The following ITGA6 variants were observed in gnomAD, a reference collection of about 807,000 sequenced individuals.
ITGA6 encodes integrin alpha-6.
A neutral mutation model predicts 133.6 loss-of-function variants in ITGA6; 63 were observed. That is an observed-to-expected ratio of 0.47 (90% confidence interval 0.38 to 0.58). ITGA6 has a LOEUF of 0.58. Ranked by LOEUF, ITGA6 falls within the 20% of genes least tolerant of loss-of-function variation. The pLI is 0.00. For synonymous variants in ITGA6, 434 were observed against 482.0 expected (o/e 0.90, Z 1.30); for missense variants, 1,068 against 1,309.4 (o/e 0.82, Z 2.85).
Position 172,487,707 on chromosome 2 carries a change from CA to C in ITGA6, c.2245-20del. The stretch of plus-strand genomic sequence containing the variant: ...TGTCTGTATGCATGGCCTGTGTTAA[CA>C]GCTATTTATGTTTTTTTAGGTCACT... On this transcript the variant is annotated intron_variant, in intron 16 of 25. Transcript: ENST00000684293. 1 of 1,601,012 alleles carries C rather than the reference CA, an allele frequency of 6.2e-7. No individual in the cohort carries two copies. The highest frequency in any genetic ancestry group is 8.6e-7 in the Non-Finnish European group (1 of 1,168,398).
chr2:172,427,550 G>A (rs1229960931), upstream of ITGA6: 1 of 1,194,100 alleles, frequency 8.4e-7, no homozygotes, highest in Non-Finnish European at 1.0e-6. Context: ...CGGCGTCCTC[G>A]TCACTTGATA....
At chr2:172,456,614 G>T (rs1685219063) in intron 1 of ITGA6, among the ~76,000 whole-genome samples, 1 of 152,180 alleles carries the variant, frequency 6.6e-6, no homozygotes, top group South Asian at 2.1e-4. Context: ...TGGATGGTCT[G>T]ATGACCCAAA....
At chr2:172,463,823 A>T (rs1450903460) in intron 1 of ITGA6, among the ~76,000 whole-genome samples, 1 of 151,936 alleles carries the variant, frequency 6.6e-6, no homozygotes, top group Admixed American at 6.5e-5. Context: ...AATTTAACAC[A>T]TTCACCTTAT....
rs756820304 is a variant in ITGA6 at position 172,488,166 on chromosome 2, G to A, written c.2443G>A (p.Val815Ile). 1.3e-5 allele frequency: 21 copies of A among 1,613,984 alleles called. No homozygotes were observed. The highest frequency in any genetic ancestry group is 7.6e-6 in the Non-Finnish European group (9 of 1,179,986). Residue 815 changes from valine to isoleucine, a missense_variant, in exon 19 of 26, where the codon GTT becomes ATT. Val to Ile is a conservative substitution (Grantham distance 29, BLOSUM62 3). Coordinates refer to ENST00000684293, the MANE Select transcript of ITGA6 (RefSeq NM_000210.4). ...PSQVYFGGTV[V>I]GEQAMKSEDE... ...CCAGGTGTATTTTGGAGGTACAGTT[G>A]TTGGCGAGCAAGCTATGAAATCTGA... is the stretch of plus-strand genomic sequence containing the variant.
chr2:172,430,559 TA>T (rs1288164949), intron 1 of ITGA6, among the ~76,000 whole-genome samples: 2 of 152,238 alleles, frequency 1.3e-5, no homozygotes, highest in African/African-American at 4.8e-5. Context: ...ATAGAAGACC[TA>T]TCATAAATGT....
At chr2:172,472,523 C>T (rs1293915962) in intron 5 of ITGA6, among the ~76,000 whole-genome samples, 1 of 152,158 alleles carries the variant, frequency 6.6e-6, no homozygotes, top group Non-Finnish European at 1.5e-5. Context: ...AAAGTGAATG[C>T]CTGAGAAAGA....
At chr2:172,448,470 G>GTA (rs111958895) in intron 1 of ITGA6, among the ~76,000 whole-genome samples, 4,213 of 152,208 alleles carry the variant, frequency 0.028, 181 homozygotes, top group African/African-American at 0.094. Flanking sequence ...ATGGGTAATG[G>GTA]CAATAGTGTC....
At chr2:172,501,063 T>A (rs546771310) in intron 24 of ITGA6, among the ~76,000 whole-genome samples, 1 of 152,264 alleles carries the variant, frequency 6.6e-6, no homozygotes, top group South Asian at 2.1e-4. Context: ...ATAGGAAAAG[T>A]TCTCTATCAC....
intron 1 of ITGA6, among the ~76,000 whole-genome samples, chr2:172,459,748 G>C (rs764045071): frequency 1.3e-5 from 2 of 152,180 alleles, no homozygotes; most frequent in Non-Finnish European, 2.9e-5. Context: ...TTCAAACAAG[G>C]GGGAACATCA....
chr2:172,465,833 G>C, intron 2 of ITGA6, 170 bp downstream of exon 2: 1 of 955,022 alleles, frequency 1.0e-6, no homozygotes. Flanking sequence ...CTTTACTTCT[G>C]AATCATACTG....
chr2:172,443,961 T>C (rs900450738), intron 1 of ITGA6, among the ~76,000 whole-genome samples: 13 of 152,080 alleles, frequency 8.5e-5, no homozygotes, highest in African/African-American at 2.7e-4. Flanking sequence ...TTTTTGTAAA[T>C]ATGAGGTTTC....
At chr2:172,443,719 C>T (rs563995787) in intron 1 of ITGA6, among the ~76,000 whole-genome samples, 12 of 152,296 alleles carry the variant, frequency 7.9e-5, no homozygotes, top group Admixed American at 1.3e-4. Flanking sequence ...TGTAAGATTG[C>T]GTATAGTGTT....
intron 11 of ITGA6, among the ~76,000 whole-genome samples, chr2:172,480,527 G>A (rs1686394442): frequency 6.6e-6 from 1 of 152,102 alleles, no homozygotes; most frequent in Non-Finnish European, 1.5e-5. Flanking sequence ...CACCCGCCCT[G>A]TGTTCCCAAG....
chr2:172,484,842 T>C lies in ITGA6; in HGVS notation c.1610T>C (p.Val537Ala). 6.2e-7 allele frequency: 1 copy of C among 1,613,868 alleles called. No individual in the cohort carries two copies. The highest frequency in any genetic ancestry group is 1.3e-5 in the African/African-American group (1 of 74,948). ...ERRKSGLSSR[V>A]QFRNQGSEPK... is the part of the protein sequence containing the mutation. ...AGAAAATCTGGGCTATCCTCAAGAG[T>C]TCAGTTTCGAAACCAAGGTTCTGAG... Residue 537 changes from valine to alanine, a missense_variant, in exon 12 of 26, where the codon GTT becomes GCT. This residue lies in a region of ITGA6 where 609 missense variants were observed against 707.2 expected (regional missense o/e 0.86). Coordinates refer to ENST00000684293, the MANE Select transcript of ITGA6 (RefSeq NM_000210.4).
At chr2:172,441,972 C>T (rs765442582) in intron 1 of ITGA6, among the ~76,000 whole-genome samples, 2 of 152,152 alleles carry the variant, frequency 1.3e-5, no homozygotes, top group African/African-American at 2.4e-5. Flanking sequence ...TTAAGTACGT[C>T]GGTTCGTGTC....
Position 172,491,061 on chromosome 2 carries a change from A to C in ITGA6, c.2717A>C (p.Glu906Ala). The C allele has an allele frequency of 6.3e-7, 1 of 1,590,150 alleles. No individual in the cohort carries two copies. The highest frequency in any genetic ancestry group is 1.7e-5 in the Admixed American group (1 of 59,988). ...TCAAGAAAGAAACGGGAAATTACTGAAAAACAGATAGATGATAACAGAAAA... is the reference window on the plus strand; with the variant it reads ...TCAAGAAAGAAACGGGAAATTACTGCAAAACAGATAGATGATAACAGAAAA... Reference protein sequence around the residue: ...HNSRKKREITEKQIDDNRKFS... With the variant: ...HNSRKKREITAKQIDDNRKFS... The change falls in exon 21 of 26, where the codon GAA (glutamate) becomes GCA (alanine). Residue 906 changes from glutamate to alanine, a missense_variant. Transcript: ENST00000684293. This position sits in a 1 kb window ranked among gnomAD's most constrained non-coding sequence, Gnocchi z 4.4.
intron 1 of ITGA6, among the ~76,000 whole-genome samples, chr2:172,453,343 A>G (rs1685085326): frequency 6.6e-6 from 1 of 152,036 alleles, no homozygotes; most frequent in Non-Finnish European, 1.5e-5. Context: ...CCTGAGCAAC[A>G]CTGTAGAACC....
At chr2:172,427,373 G>T, upstream of ITGA6, 3 of 1,008,476 alleles carry the variant, frequency 3.0e-6, no homozygotes. Flanking sequence ...CACAGAGGGC[G>T]GCGCAGTGGG....
intron 13 of ITGA6, among the ~76,000 whole-genome samples, chr2:172,485,748 T>A (rs1012725855): frequency 6.6e-6 from 1 of 152,096 alleles, no homozygotes; most frequent in Non-Finnish European, 1.5e-5. Context: ...GGAAGAAAAA[T>A]GTGTATTAGA....
Sources: gnomAD v4.1 joint callset for allele counts (sites outside exome capture counted in the v4.1 genomes callset) on GRCh38, gnomAD v4.1.1 for gene constraint, gnomAD v4.1.1 regional missense constraint, Gnocchi (gnomAD v3.1) non-coding constraint, MANE v1.5 for transcripts, NCBI Gene and HGNC (gene_info 2026-07-23, HGNC 2026-07-21) for gene names.